The following WWOX variants were observed in gnomAD, a reference collection of about 807,000 sequenced individuals.
WWOX encodes WW domain containing oxidoreductase.
WWOX carries 69 observed loss-of-function variants against 46.2 expected under a neutral mutation model. That is an observed-to-expected ratio of 1.49 (90% CI 1.23 to 1.82). The LOEUF (loss-of-function observed/expected upper bound fraction) is 1.82, where lower values mean the gene tolerates loss of function less well. Among genes scored for constraint, WWOX ranks in the 40% most tolerant of loss-of-function variants. The pLI is 0.00. For missense variants in WWOX, 919 were observed against 542.6 expected (o/e 1.69, Z -6.89); for synonymous variants, 359 against 202.6 (o/e 1.77, Z -6.56).
chr16:79,096,288 C>T (rs1050454532), intron 8 of WWOX, among the ~76,000 whole-genome samples: 2 of 152,048 alleles, frequency 1.3e-5, no homozygotes, highest in Middle Eastern at 3.2e-3. Context: ...TCTCCTGCTC[C>T]GAACTTTCTG....
Position 78,481,872 on chromosome 16 carries a change from G to C in WWOX, c.1056+49120G>C, listed in dbSNP as rs564457276. Among the ~76,000 whole-genome samples the C allele has an allele frequency of 3.9e-5, 6 of 152,064 alleles. No homozygotes were observed. The South Asian group carries it at 1.2e-3, about 32-fold the overall frequency. ...TTTTCTATTAATCTTCTTGGGGCTG[G>C]AGCTTTAAAATAAAATAAATAACTT... On this transcript the variant is annotated intron_variant, in intron 8 of 8. Transcript: ENST00000566780.
At chr16:79,122,078 G>A (rs1196182665) in intron 8 of WWOX, among the ~76,000 whole-genome samples, 1 of 152,160 alleles carries the variant, frequency 6.6e-6, no homozygotes, top group Non-Finnish European at 1.5e-5. Flanking sequence ...AGGGTGTGAG[G>A]GTGTGTGCTC....
chr16:78,892,369 A>C (rs1047464448), intron 8 of WWOX: 1 of 152,246 alleles, frequency 6.6e-6, no homozygotes, highest in African/African-American at 2.4e-5. Context: ...GGGTCACAGG[A>C]TGGCTGATGA....
chr16:78,792,140 A>G (rs951977395), intron 8 of WWOX, among the ~76,000 whole-genome samples: 1 of 152,050 alleles, frequency 6.6e-6, no homozygotes, highest in Non-Finnish European at 1.5e-5. Flanking sequence ...ACAAACCACC[A>G]TTAGACCTCA....
intron 4 of WWOX, among the ~76,000 whole-genome samples, chr16:78,150,372 T>A (rs982117807): frequency 1.3e-5 from 2 of 152,038 alleles, no homozygotes; most frequent in African/African-American, 4.8e-5. Context: ...CGTTTAGGTT[T>A]TTGTTGTTGT....
intron 8 of WWOX, among the ~76,000 whole-genome samples, chr16:78,469,435 A>C (rs1264235636): frequency 1.3e-5 from 2 of 152,222 alleles, no homozygotes; most frequent in Non-Finnish European, 2.9e-5. Context: ...AAAAGTGAGC[A>C]ACAAGGAGAC....
At chr16:78,866,800 A>AT (rs1450896832) in intron 8 of WWOX, among the ~76,000 whole-genome samples, 1 of 152,230 alleles carries the variant, frequency 6.6e-6, no homozygotes, top group Non-Finnish European at 1.5e-5. Flanking sequence ...ATCTTGAGCT[A>AT]GGACCATATC....
intron 8 of WWOX, among the ~76,000 whole-genome samples, chr16:78,459,857 T>G (rs1318287953): frequency 6.6e-6 from 1 of 151,338 alleles, no homozygotes; most frequent in Non-Finnish European, 1.5e-5. Context: ...GCTGCTGGAG[T>G]GCAGTGGTGC....
intron 5 of WWOX, among the ~76,000 whole-genome samples, chr16:78,382,502 G>A (rs1463822283): frequency 6.6e-6 from 1 of 152,154 alleles, no homozygotes. Context: ...AGATTTGGGG[G>A]TTGTTCCTTA....
chr16:78,134,105 C>G (rs557922771), intron 4 of WWOX, among the ~76,000 whole-genome samples: 3 of 152,082 alleles, frequency 2.0e-5, no homozygotes, highest in Non-Finnish European at 4.4e-5. Context: ...ACCCTTGTGA[C>G]GAATAAGAAA....
intron 5 of WWOX, among the ~76,000 whole-genome samples, chr16:78,302,804 G>T (rs573999884): frequency 8.9e-4 from 136 of 152,320 alleles, no homozygotes; most frequent in Admixed American, 2.1e-3. Flanking sequence ...GTTCCTAAGA[G>T]TTTTAGGTAT....
rs78927031 is a variant in WWOX, at chr16:78,699,091, A to T, written c.1056+266339A>T. On this transcript the variant is annotated intron_variant, in intron 8 of 8. Coordinates refer to ENST00000566780, the MANE Select transcript of WWOX (RefSeq NM_016373.4). ...TACAACTGTTCAGCTCTAACTTTGT[A>T]TGAAAGTAGCCATAGGCAATACACA... Among the ~76,000 whole-genome samples, 22 of 152,296 alleles carry T rather than the reference A, an allele frequency of 1.4e-4. No individual in the cohort carries two copies. The East Asian group carries it at 4.1e-3, about 28-fold the overall frequency.
rs888661434 is a variant in WWOX at position 79,021,776 on chromosome 16, C to T, written c.1057-189832C>T. 4.4e-4 allele frequency among the ~76,000 whole-genome samples: 67 copies of T among 152,188 alleles called. 1 individual carries two copies. Among genetic ancestry groups the T allele is most frequent in the Admixed American group, 4.4e-3 (67 of 15,280 alleles). ...GGCCATCTGTGTACACCCCCTCTTT[C>T]TAGGGTTCCAGCCACAGACCCTCAG... is the stretch of plus-strand genomic sequence containing the variant. On this transcript the variant is annotated intron_variant, in intron 8 of 8. Transcript: ENST00000566780.
intron 5 of WWOX, among the ~76,000 whole-genome samples, chr16:78,382,445 G>C (rs879909189): frequency 6.6e-6 from 1 of 152,216 alleles, no homozygotes; most frequent in Non-Finnish European, 1.5e-5. Context: ...CCTACAATGA[G>C]TGTGAAGTGT....
At chr16:78,840,248 C>T in intron 8 of WWOX, among the ~76,000 whole-genome samples, 1 of 152,186 alleles carries the variant, frequency 6.6e-6, no homozygotes, top group East Asian at 1.9e-4. Context: ...ATTCTTGACT[C>T]TGTGACACTG....
intron 8 of WWOX, among the ~76,000 whole-genome samples, chr16:79,111,514 A>G (rs144257659): frequency 2.1e-3 from 325 of 152,330 alleles, no homozygotes; most frequent in African/African-American, 7.3e-3. Flanking sequence ...TAAATTCATA[A>G]TGAATAGTCA....
chr16:78,925,047 T>C (rs1287166517), intron 8 of WWOX, among the ~76,000 whole-genome samples: 2 of 152,012 alleles, frequency 1.3e-5, no homozygotes, highest in Non-Finnish European at 2.9e-5. Context: ...ATAAAAAAGT[T>C]AGCCAGGCAT....
At chr16:78,374,141 A>G (rs974071986) in intron 5 of WWOX, among the ~76,000 whole-genome samples, 2 of 152,106 alleles carry the variant, frequency 1.3e-5, no homozygotes, top group African/African-American at 2.4e-5. Flanking sequence ...TACTCCATAC[A>G]TCATTTTTTC....
chr16:78,831,553 A>G (rs2051826004), intron 8 of WWOX, among the ~76,000 whole-genome samples: 1 of 152,224 alleles, frequency 6.6e-6, no homozygotes, highest in Non-Finnish European at 1.5e-5. Flanking sequence ...AGCCAGCATC[A>G]GTGACCTGCA....
Sources: allele counts gnomAD v4.1 joint callset (sites outside exome capture counted in the v4.1 genomes callset), GRCh38; gene constraint gnomAD v4.1.1; transcripts MANE v1.5; gene names NCBI Gene and HGNC (gene_info 2026-07-23, HGNC 2026-07-21).